PAK1: variants seen among roughly 807,000 people sequenced by gnomAD.
PAK1 encodes p21 (RAC1) activated kinase 1.
Under a neutral mutation model 67.4 loss-of-function variants are expected in PAK1, and 29 were observed. That is an observed-to-expected ratio of 0.43 (90% CI 0.32 to 0.59). PAK1 has a LOEUF of 0.59. PAK1 is among the 20% of genes least tolerant of loss of function. PAK1 has a pLI of 0.07. For synonymous variants in PAK1, 223 were observed against 237.4 expected (o/e 0.94, Z 0.56); for missense variants, 337 against 670.7 (o/e 0.50, Z 5.50).
intron 2 of PAK1, among the ~76,000 whole-genome samples, chr11:77,381,931 C>T (rs1949892306): frequency 1.3e-5 from 2 of 152,156 alleles, no homozygotes; most frequent in South Asian, 4.1e-4. Flanking sequence ...TATACCAGGG[C>T]CCCAAGTCAA....
chr11:77,473,326 G>A (rs1845667116), intron 1 of PAK1: 1 of 150,872 alleles, frequency 6.6e-6, no homozygotes. Flanking sequence ...TCTGAGACCC[G>A]CGACCCCGCC....
At chr11:77,365,112 T>G (rs1947318584) in intron 5 of PAK1, among the ~76,000 whole-genome samples, 1 of 151,078 alleles carries the variant, frequency 6.6e-6, no homozygotes, top group Non-Finnish European at 1.5e-5. Context: ...ATTAGCTGGG[T>G]GCGGTGGCAC....
chr11:77,501,035 C>T, the PAK1 span, among the ~76,000 whole-genome samples: 1 of 151,904 alleles, frequency 6.6e-6, no homozygotes, highest in Non-Finnish European at 1.5e-5. Flanking sequence ...CCTGTAGTCC[C>T]AGCTACTTGG....
chr11:77,367,705 G>A (rs188290452), intron 5 of PAK1, among the ~76,000 whole-genome samples: 7 of 152,312 alleles, frequency 4.6e-5, no homozygotes, highest in Admixed American at 6.5e-5. Context: ...AGGGCTGGGC[G>A]TGGTGGCTCA....
At chr11:77,368,337 A>T (rs1360286426) in intron 5 of PAK1, among the ~76,000 whole-genome samples, 1 of 152,336 alleles carries the variant, frequency 6.6e-6, no homozygotes, top group Non-Finnish European at 1.5e-5. Context: ...ATGAAAAAAT[A>T]TGTGTAACCT....
At chr11:77,489,866 A>G in the PAK1 span, among the ~76,000 whole-genome samples, 13 of 152,026 alleles carry the variant, frequency 8.6e-5, no homozygotes, top group South Asian at 1.0e-3. Context: ...CTGCCCGGCC[A>G]CCACCCCGTC....
At chr11:77,373,307 G>A (rs1157018935) in intron 5 of PAK1, among the ~76,000 whole-genome samples, 1 of 152,100 alleles carries the variant, frequency 6.6e-6, no homozygotes, top group African/African-American at 2.4e-5. Flanking sequence ...GGTCGAGGCA[G>A]GAGGATCACT....
chr11:77,357,563 A>C (rs2136552705), intron 6 of PAK1, among the ~76,000 whole-genome samples: 1 of 152,270 alleles, frequency 6.6e-6, no homozygotes, highest in Admixed American at 6.5e-5. Flanking sequence ...CTCCTAGCAC[A>C]GGTTTGTACA....
Position 77,344,587 on chromosome 11 carries a change from C to T in PAK1, c.886-656G>A, listed in dbSNP as rs893789346. On this transcript the variant is annotated intron_variant, in intron 9 of 14. Coordinates refer to ENST00000356341, the MANE Select transcript of PAK1 (RefSeq NM_002576.5). Reference sequence around the variant, plus strand: ...GTAAGGTACTATTATAAGGTGTTCTCAAATTTGTTATTTCATTTAATCTTC... The same window carrying T: ...GTAAGGTACTATTATAAGGTGTTCTTAAATTTGTTATTTCATTTAATCTTC... Among the ~76,000 whole-genome samples, 11 of 152,264 alleles carry T rather than the reference C, an allele frequency of 7.2e-5. No individual in the cohort carries two copies. In the South Asian group the frequency reaches 1.2e-3, roughly 17 times the overall value.
chr11:77,528,363 T>TC, the PAK1 span, among the ~76,000 whole-genome samples: 2 of 134,390 alleles, frequency 1.5e-5, no homozygotes, highest in Non-Finnish European at 1.7e-5. Flanking sequence ...CATATGTCTC[T>TC]TTTTTTTTTT....
upstream of PAK1, chr11:77,474,330 A>G (rs888996006): frequency 1.3e-5 from 2 of 152,020 alleles, no homozygotes; most frequent in South Asian, 2.1e-4. Context: ...CCTGGCCCGC[A>G]TGAGGGCGAA....
chr11:77,366,716 G>A (rs1053000548), intron 5 of PAK1, among the ~76,000 whole-genome samples: 1 of 152,180 alleles, frequency 6.6e-6, no homozygotes, highest in African/African-American at 2.4e-5. Flanking sequence ...GGCAAAGATA[G>A]GCAGAAACTG....
chr11:77,410,602 G>A (rs752055908), intron 1 of PAK1, among the ~76,000 whole-genome samples: 2 of 151,820 alleles, frequency 1.3e-5, no homozygotes, highest in Admixed American at 6.6e-5. Flanking sequence ...ATCCAAGAGA[G>A]GGAAGGAAAG....
At chr11:77,505,286 C>T in the PAK1 span, among the ~76,000 whole-genome samples, 6,493 of 152,004 alleles carry the variant, frequency 0.043, 440 homozygotes, top group African/African-American at 0.14. Flanking sequence ...CTCCCGGGTT[C>T]AAGCGATTCT....
Position 77,379,984 on chromosome 11 carries a change from C to T in PAK1, c.201G>A (p.Lys67=). 1.2e-6 allele frequency: 2 copies of T among 1,612,162 alleles called. No homozygotes were observed. Among genetic ancestry groups the T allele is most frequent in the Non-Finnish European group, 1.7e-6 (2 of 1,178,856 alleles). The part of the protein sequence containing the change: ...SILPGDKTNK[K]KEKERPEISL... ...AAATCTCTGGCCGCTCTTTCTCTTT[C>T]TTTTTATTTGCTGCAAGAGAAACAG... is the stretch of plus-strand genomic sequence containing the variant. The change falls in exon 3 of 15, where the codon AAG becomes AAA. Residue 67 remains lysine (K), a synonymous_variant. Coordinates refer to ENST00000356341, the MANE Select transcript of PAK1 (RefSeq NM_002576.5).
chr11:77,447,421 A>C lies in PAK1; in HGVS notation c.-22+26131T>G, dbSNP rs570511973. Among the ~76,000 whole-genome samples the C allele has an allele frequency of 5.8e-4, 88 of 152,324 alleles. 1 individual carries two copies. The highest frequency in any genetic ancestry group is 2.0e-3 in the African/African-American group (85 of 41,584). On this transcript the variant is annotated intron_variant, in intron 1 of 14. Coordinates refer to ENST00000356341, the MANE Select transcript of PAK1 (RefSeq NM_002576.5). ...CTAACACTGTTTCAAGTCAAAGCTG[A>C]GCTCATCTATCTTGCCCGTGGTAGT...
chr11:77,432,811 T>C (rs549885840), intron 1 of PAK1, among the ~76,000 whole-genome samples: 9 of 148,648 alleles, frequency 6.1e-5, no homozygotes, highest in Middle Eastern at 6.9e-3. Flanking sequence ...TACACAGCAA[T>C]GAACAATCCA....
At chr11:77,416,111 T>C (rs1954937593) in intron 1 of PAK1, among the ~76,000 whole-genome samples, 2 of 152,038 alleles carry the variant, frequency 1.3e-5, no homozygotes, top group Non-Finnish European at 2.9e-5. Context: ...CCCGAGTAGC[T>C]GGAATTACAG....
the PAK1 span, among the ~76,000 whole-genome samples, chr11:77,497,712 C>T: frequency 6.6e-6 from 1 of 152,214 alleles, no homozygotes; most frequent in South Asian, 2.1e-4. Context: ...CAAAGCTGTT[C>T]AGTACATCAC....
Sources: allele counts gnomAD v4.1 joint callset (sites outside exome capture counted in the v4.1 genomes callset), GRCh38; gene constraint gnomAD v4.1.1; transcripts MANE v1.5; gene names NCBI Gene and HGNC (gene_info 2026-07-23, HGNC 2026-07-21).